EPHA5: variants seen among roughly 807,000 people sequenced by gnomAD.
The protein encoded by EPHA5 is EPH receptor A5.
Under a neutral mutation model 105.0 loss-of-function variants are expected in EPHA5, and 60 were observed. That is an observed-to-expected ratio of 0.57 (90% confidence interval 0.46 to 0.71). EPHA5 has a LOEUF of 0.71. Ranked by LOEUF, EPHA5 falls within the 30% of genes least tolerant of loss-of-function variation. The pLI is 0.00. For missense variants in EPHA5, 1,218 were observed against 1,274.7 expected (o/e 0.96, Z 0.68); for synonymous variants, 513 against 449.1 (o/e 1.14, Z -1.80).
chr4:65,428,455 G>A (rs879569175), intron 5 of EPHA5, among the ~76,000 whole-genome samples: 10 of 151,950 alleles, frequency 6.6e-5, no homozygotes, highest in Non-Finnish European at 1.2e-4. Flanking sequence ...GTATTTTAAA[G>A]GTTTCTTTCT....
At chr4:65,381,937 C>T (rs1270836581) in intron 8 of EPHA5, among the ~76,000 whole-genome samples, 1 of 151,692 alleles carries the variant, frequency 6.6e-6, no homozygotes, top group African/African-American at 2.4e-5. Flanking sequence ...AATATCAACA[C>T]CTTAAAAATA....
chr4:65,637,376 A>G (rs1355338176), intron 2 of EPHA5, among the ~76,000 whole-genome samples: 1 of 151,670 alleles, frequency 6.6e-6, no homozygotes, highest in African/African-American at 2.4e-5. Context: ...TAAATAAGTC[A>G]AAGAGGAGAA....
Position 65,320,970 on chromosome 4 carries a change from G to A in EPHA5, c.*3144C>T, listed in dbSNP as rs1407906751. 2 of 230,086 alleles carry A rather than the reference G, an allele frequency of 8.7e-6. No individual in the cohort carries two copies. The highest frequency in any genetic ancestry group is 2.2e-5 in the African/African-American group (1 of 45,084). The allele number at this position is 230,086 out of a possible 1,614,324, so 14.3% of individuals were successfully genotyped here. On this transcript the variant is annotated 3_prime_UTR_variant, in exon 17 of 17. Coordinates refer to ENST00000613740, the MANE Select transcript of EPHA5 (RefSeq NM_001281766.3). The stretch of plus-strand genomic sequence containing the variant: ...TGCACATTACAATTTTAAAACATAG[G>A]AAAATCAAAATCTTTACATCTTTAC...
intron 3 of EPHA5, among the ~76,000 whole-genome samples, chr4:65,559,530 T>A (rs1271910707): frequency 6.6e-6 from 1 of 152,128 alleles, no homozygotes; most frequent in Non-Finnish European, 1.5e-5. Flanking sequence ...AACTTTGAGG[T>A]TTCTCTGTGA....
intron 5 of EPHA5, among the ~76,000 whole-genome samples, chr4:65,484,418 C>T (rs1221395584): frequency 3.3e-5 from 5 of 152,076 alleles, no homozygotes; most frequent in African/African-American, 1.2e-4. Context: ...AGAAATAAAA[C>T]CCATGAAAGT....
chr4:65,540,637 C>A (rs1736728008), intron 3 of EPHA5, among the ~76,000 whole-genome samples: 1 of 151,376 alleles, frequency 6.6e-6, no homozygotes, highest in Non-Finnish European at 1.5e-5. Context: ...TATTACACCA[C>A]TAATCAAACA....
At chr4:65,631,212 T>C (rs1398230402) in intron 2 of EPHA5, among the ~76,000 whole-genome samples, 1 of 152,202 alleles carries the variant, frequency 6.6e-6, no homozygotes, top group East Asian at 1.9e-4. Flanking sequence ...ACTGTGCATT[T>C]TCCCTTCTTG....
intron 8 of EPHA5, among the ~76,000 whole-genome samples, chr4:65,380,426 T>C (rs974696580): frequency 4.0e-5 from 6 of 151,776 alleles, no homozygotes; most frequent in Non-Finnish European, 8.8e-5. Context: ...AGTGTGTCTA[T>C]GTAAGTATGA....
intron 12 of EPHA5, 43 bp downstream of exon 12, chr4:65,352,999 T>A (rs764356813): frequency 7.5e-7 from 1 of 1,336,326 alleles, no homozygotes; most frequent in Non-Finnish European, 1.0e-6. Flanking sequence ...CATCACAATA[T>A]ATAAATAACA....
chr4:65,563,983 T>G (rs1739277739), intron 3 of EPHA5, among the ~76,000 whole-genome samples: 1 of 151,992 alleles, frequency 6.6e-6, no homozygotes, highest in African/African-American at 2.4e-5. Flanking sequence ...TTTTGCCAAG[T>G]ATCCTTTATC....
chr4:65,443,847 T>C (rs1036267983), intron 5 of EPHA5, among the ~76,000 whole-genome samples: 3 of 152,108 alleles, frequency 2.0e-5, no homozygotes, highest in Non-Finnish European at 2.9e-5. Context: ...GAGTAGCCTA[T>C]AGTAGGATGA....
At chr4:65,632,650 T>C (rs542152786) in intron 2 of EPHA5, among the ~76,000 whole-genome samples, 1 of 152,132 alleles carries the variant, frequency 6.6e-6, no homozygotes, top group East Asian at 1.9e-4. Context: ...AATTTATATT[T>C]GAGGCATAGA....
intron 7 of EPHA5, among the ~76,000 whole-genome samples, chr4:65,412,440 T>C: frequency 6.6e-6 from 1 of 152,130 alleles, no homozygotes; most frequent in Non-Finnish European, 1.5e-5. Context: ...GAAAATATTA[T>C]ACATAAAGAT....
intron 6 of EPHA5, among the ~76,000 whole-genome samples, chr4:65,415,684 T>C (rs1464996196): frequency 1.3e-5 from 2 of 152,012 alleles, no homozygotes; most frequent in Admixed American, 6.6e-5. Context: ...TAAACTTTCA[T>C]ATATTTAGGA....
At chr4:65,327,160 G>T (rs1431063505) in intron 16 of EPHA5, among the ~76,000 whole-genome samples, 2 of 151,232 alleles carry the variant, frequency 1.3e-5, no homozygotes, top group Admixed American at 6.6e-5. Context: ...TCATACTAAA[G>T]AATTGTGAGA....
In EPHA5 at chr4:65,371,749, C is replaced by G. The variant is rs547807870; in HGVS notation, c.1794-4325G>C. On this transcript the variant is annotated intron_variant, in intron 8 of 16. Transcript: ENST00000613740. ...GTGTAAATCCTTGCAAAACAATAGCCTCCATACTATCAGATCTTTCCATTG... is the reference window on the plus strand; with the variant it reads ...GTGTAAATCCTTGCAAAACAATAGCGTCCATACTATCAGATCTTTCCATTG... Among the ~76,000 whole-genome samples, 25 of 152,064 alleles carry G rather than the reference C, an allele frequency of 1.6e-4. 1 individual carries two copies. The highest frequency in any genetic ancestry group is 3.4e-3 in the Middle Eastern group (1 of 294).
At chr4:65,373,513 T>A (rs891506984) in intron 8 of EPHA5, among the ~76,000 whole-genome samples, 2 of 151,872 alleles carry the variant, frequency 1.3e-5, no homozygotes, top group African/African-American at 4.8e-5. Context: ...AGAATTAATA[T>A]AGAGAAAGGA....
chr4:65,423,162 AT>A (rs1432177270), intron 5 of EPHA5, among the ~76,000 whole-genome samples: 10 of 152,006 alleles, frequency 6.6e-5, no homozygotes, highest in Non-Finnish European at 1.2e-4. Context: ...ACTGGGATTA[AT>A]TTAATGTTTT....
chr4:65,604,970 T>C (rs2149446562), intron 2 of EPHA5, among the ~76,000 whole-genome samples: 1 of 152,354 alleles, frequency 6.6e-6, no homozygotes, highest in Non-Finnish European at 1.5e-5. Context: ...CCTGGACATT[T>C]TGGAAGCATG....
Sources: allele counts gnomAD v4.1 joint callset (sites outside exome capture counted in the v4.1 genomes callset), GRCh38; gene constraint gnomAD v4.1.1; transcripts MANE v1.5; gene names NCBI Gene and HGNC (gene_info 2026-07-23, HGNC 2026-07-21).